The following FRMD3 variants were observed in gnomAD, a reference collection of about 807,000 sequenced individuals.
FRMD3 encodes the protein FERM domain containing 3, also known as FERM domain-containing protein 3.
A neutral mutation model predicts 70.2 loss-of-function variants in FRMD3; 33 were observed. The observed-to-expected ratio is 0.47, with a 90% CI of 0.36 to 0.63. The LOEUF (loss-of-function observed/expected upper bound fraction) is 0.63. FRMD3 is among the 20% of genes least tolerant of loss of function. The pLI is 0.00. For missense variants in FRMD3, 632 were observed against 711.4 expected, an observed-to-expected ratio of 0.89 and a Z score of 1.27; for synonymous variants, 279 against 255.9, an observed-to-expected ratio of 1.09 and a Z score of -0.86.
chr9:83,476,678 C>A (rs561383341), intron 1 of FRMD3, among the ~76,000 whole-genome samples: 1 of 152,266 alleles, frequency 6.6e-6, no homozygotes, highest in East Asian at 1.9e-4. Context: ...GGTCAATAAA[C>A]TAAATATAGC....
intron 4 of FRMD3, among the ~76,000 whole-genome samples, chr9:83,348,565 T>G (rs1434956494): frequency 6.6e-6 from 1 of 152,160 alleles, no homozygotes; most frequent in Non-Finnish European, 1.5e-5. Flanking sequence ...TGTCCAACAC[T>G]GTGAATGTAC....
intron 10 of FRMD3, among the ~76,000 whole-genome samples, chr9:83,307,504 A>T (rs1242197138): frequency 6.6e-6 from 1 of 152,260 alleles, no homozygotes; most frequent in Non-Finnish European, 1.5e-5. Context: ...GTACTGAGAC[A>T]TGTTATAATA....
intron 6 of FRMD3, among the ~76,000 whole-genome samples, chr9:83,326,135 A>T (rs1044345343): frequency 2.0e-5 from 3 of 152,204 alleles, no homozygotes; most frequent in Admixed American, 2.0e-4. Context: ...ATTTGATTCT[A>T]AAAAATGAAG....
the FRMD3 span, among the ~76,000 whole-genome samples, chr9:83,579,399 T>C: frequency 6.6e-6 from 1 of 151,720 alleles, no homozygotes; most frequent in African/African-American, 2.4e-5. Flanking sequence ...AAAGCTATTG[T>C]AATCAAAACA....
intron 5 of FRMD3, among the ~76,000 whole-genome samples, chr9:83,338,243 G>T (rs923763089): frequency 2.6e-5 from 4 of 152,198 alleles, no homozygotes; most frequent in African/African-American, 9.6e-5. Context: ...AAACTAGGAA[G>T]TTGGCAGAGA....
intron 13 of FRMD3, among the ~76,000 whole-genome samples, chr9:83,269,205 G>C (rs1473922116): frequency 6.6e-6 from 1 of 152,186 alleles, no homozygotes; most frequent in African/African-American, 2.4e-5. Flanking sequence ...CCTTTGGCCT[G>C]TCTGAAGGGA....
At chr9:83,346,605 T>C (rs1312321661) in intron 4 of FRMD3, among the ~76,000 whole-genome samples, 1 of 152,236 alleles carries the variant, frequency 6.6e-6, no homozygotes, top group Non-Finnish European at 1.5e-5. Context: ...GAAAATGTTT[T>C]GGAATCAGAT....
chr9:83,506,655 A>T (rs1829188739), intron 1 of FRMD3, among the ~76,000 whole-genome samples: 1 of 152,184 alleles, frequency 6.6e-6, no homozygotes, highest in Non-Finnish European at 1.5e-5. Flanking sequence ...ATTACGCTAC[A>T]CCACTGTAGA....
chr9:83,566,370 AAGTTG>A, the FRMD3 span, among the ~76,000 whole-genome samples: 1 of 152,134 alleles, frequency 6.6e-6, no homozygotes, highest in East Asian at 1.9e-4. Context: ...GATAAAATTC[AAGTTG>A]AGATTTGAGT....
chr9:83,408,430 A>C (rs1826188438), intron 1 of FRMD3, among the ~76,000 whole-genome samples: 1 of 152,108 alleles, frequency 6.6e-6, no homozygotes. Context: ...ACTGGGCCCA[A>C]GGGTCAGGCT....
chr9:83,281,862 G>A (rs918451874), intron 13 of FRMD3, among the ~76,000 whole-genome samples: 1 of 152,320 alleles, frequency 6.6e-6, no homozygotes, highest in South Asian at 2.1e-4. Context: ...GTCCTGGCAT[G>A]CTGTGCTGGA....
intron 10 of FRMD3, among the ~76,000 whole-genome samples, chr9:83,301,396 G>A (rs986917028): frequency 2.6e-5 from 4 of 152,120 alleles, no homozygotes; most frequent in Non-Finnish European, 4.4e-5. Context: ...CATCTTCTTG[G>A]AAGGGTTGCT....
chr9:83,504,621 C>A (rs1052866613), intron 1 of FRMD3, among the ~76,000 whole-genome samples: 4 of 152,068 alleles, frequency 2.6e-5, no homozygotes, highest in African/African-American at 4.8e-5. Context: ...TTCTTTCAGG[C>A]CTCTCCTCAA....
chr9:83,470,094 G>A (rs978924273), intron 1 of FRMD3, among the ~76,000 whole-genome samples: 2 of 151,934 alleles, frequency 1.3e-5, no homozygotes, highest in African/African-American at 4.8e-5. Flanking sequence ...AGAAACTGAT[G>A]TAGCAAATTT....
intron 1 of FRMD3, among the ~76,000 whole-genome samples, chr9:83,412,023 A>G (rs1319900920): frequency 2.6e-5 from 4 of 152,196 alleles, no homozygotes; most frequent in African/African-American, 4.8e-5. Flanking sequence ...AAGTAGACAA[A>G]CCATCCATCC....
chr9:83,438,341 C>T (rs567414906), intron 1 of FRMD3, among the ~76,000 whole-genome samples: 14 of 152,252 alleles, frequency 9.2e-5, no homozygotes, highest in African/African-American at 1.4e-4. Context: ...AAATAGGTCT[C>T]GACACGGTAT....
chr9:83,387,654 T>C (rs531069576), intron 2 of FRMD3, among the ~76,000 whole-genome samples: 7 of 152,318 alleles, frequency 4.6e-5, no homozygotes, highest in African/African-American at 1.7e-4. Context: ...AATCCTAAAC[T>C]CAAACACTCA....
At position 83,389,662 on chromosome 9, in the gene FRMD3, T is replaced by C; in HGVS notation, c.194A>G (p.Tyr65Cys). The C allele has an allele frequency of 6.2e-7, 1 of 1,613,986 alleles. No individual in the cohort carries two copies. Among genetic ancestry groups the C allele is most frequent in the Non-Finnish European group, 8.5e-7 (1 of 1,179,898 alleles). ...AAAGTAGTCCTTCTCCAGCAGGCTG[T>C]AGTAGTTGCAGATGTGGTCAATGAG... is the stretch of plus-strand genomic sequence containing the variant. The part of the protein sequence containing the change: ...QFLIDHICNY[Y>C]SLLEKDYFGI... Residue 65 changes from tyrosine to cysteine, a missense_variant, in exon 2 of 14, where the codon TAC becomes TGC. Transcript: ENST00000304195.
At chr9:83,347,341 A>C (rs1823996717) in intron 4 of FRMD3, among the ~76,000 whole-genome samples, 1 of 152,188 alleles carries the variant, frequency 6.6e-6, no homozygotes, top group Non-Finnish European at 1.5e-5. Flanking sequence ...ATCTCCCTTT[A>C]GTGTCATTCC....
Sources: allele counts gnomAD v4.1 joint callset (sites outside exome capture counted in the v4.1 genomes callset), GRCh38; gene constraint gnomAD v4.1.1; transcripts MANE v1.5; gene names NCBI Gene and HGNC (gene_info 2026-07-23, HGNC 2026-07-21).